TAF4B: variants seen among roughly 807,000 people sequenced by gnomAD.
TAF4B encodes TATA-box binding protein associated factor 4b.
In TAF4B, 38 loss-of-function variants were observed where a neutral mutation model predicts 86.4. The observed-to-expected ratio is 0.44, with a 90% CI of 0.34 to 0.58. TAF4B has a LOEUF of 0.58. Among genes scored for constraint, TAF4B ranks in the 20% least tolerant of loss-of-function variants. TAF4B has a pLI of 0.02. For missense variants in TAF4B, 988 were observed against 1,027.6 expected, an observed-to-expected ratio of 0.96 and a Z score of 0.53; for synonymous variants, 388 against 391.2, an observed-to-expected ratio of 0.99 and a Z score of 0.10.
intron 13 of TAF4B, among the ~76,000 whole-genome samples, chr18:26,346,879 A>G (rs78364811): frequency 0.33 from 1,898 of 5,746 alleles, 465 homozygotes; most frequent in Middle Eastern, 0.75. Context: ...ATATATGTGT[A>G]TATATATATA....
chr18:26,251,238 A>G (rs764468169), intron 1 of TAF4B, among the ~76,000 whole-genome samples: 1 of 152,180 alleles, frequency 6.6e-6, no homozygotes, highest in African/African-American at 2.4e-5. Context: ...GAGTGACACA[A>G]AGAAATCTGC....
chr18:26,314,055 T>C (rs867213677), intron 9 of TAF4B, among the ~76,000 whole-genome samples: 1 of 152,318 alleles, frequency 6.6e-6, no homozygotes, highest in East Asian at 1.9e-4. Context: ...TTTTTTAAAG[T>C]TGAACACCAG....
At chr18:26,359,272 T>C (rs543555643) in intron 14 of TAF4B, among the ~76,000 whole-genome samples, 1 of 152,218 alleles carries the variant, frequency 6.6e-6, no homozygotes, top group Non-Finnish European at 1.5e-5. Context: ...CCAATGGACA[T>C]TTAGGTTGTT....
intron 12 of TAF4B, among the ~76,000 whole-genome samples, chr18:26,327,911 C>T (rs1192989694): frequency 6.6e-6 from 1 of 152,174 alleles, no homozygotes; most frequent in East Asian, 1.9e-4. Flanking sequence ...TTCCCTTCTC[C>T]CTTATTTAAA....
intron 3 of TAF4B, among the ~76,000 whole-genome samples, chr18:26,272,192 G>T (rs760992321): frequency 6.6e-6 from 1 of 152,112 alleles, no homozygotes; most frequent in Non-Finnish European, 1.5e-5. Context: ...CTAATCTTCC[G>T]GTTGCGTCTA....
At chr18:26,267,485 T>C in intron 2 of TAF4B, 31 bp from the exon 3 acceptor site, 1 of 1,448,026 alleles carries the variant, frequency 6.9e-7, no homozygotes, top group South Asian at 1.1e-5. Flanking sequence ...GCTAATGACT[T>C]TGTGTTATCT....
At chr18:26,262,971 G>C (rs2056190741) in intron 1 of TAF4B, among the ~76,000 whole-genome samples, 1 of 151,724 alleles carries the variant, frequency 6.6e-6, no homozygotes, top group South Asian at 2.1e-4. Context: ...TTTATTTAGA[G>C]ACAGTGTTGT....
intron 1 of TAF4B, among the ~76,000 whole-genome samples, chr18:26,264,788 C>G (rs1306132468): frequency 6.6e-6 from 1 of 152,170 alleles, no homozygotes; most frequent in Non-Finnish European, 1.5e-5. Context: ...GTCTACAGAG[C>G]CTTTTAGGAA....
At chr18:26,265,109 T>TG (rs1246465398) in intron 1 of TAF4B, 61 bp from the exon 2 acceptor site, 2 of 1,514,916 alleles carry the variant, frequency 1.3e-6, no homozygotes, top group East Asian at 4.6e-5. Context: ...GAAGAAAATA[T>TG]GTGATGGTTA....
chr18:26,287,503 CTTTA>C (rs1319947234), intron 7 of TAF4B, among the ~76,000 whole-genome samples: 3 of 152,166 alleles, frequency 2.0e-5, no homozygotes, highest in East Asian at 3.9e-4. Flanking sequence ...GAATGTTCTT[CTTTA>C]TTTAAGAAAA....
chr18:26,304,737 T>C (rs2144643126), intron 9 of TAF4B: 1 of 985,452 alleles, frequency 1.0e-6, no homozygotes, highest in African/African-American at 1.7e-5. Context: ...GATATGCTTA[T>C]TGCTGATTTT....
At chr18:26,253,270 C>G (rs1384660904) in intron 1 of TAF4B, among the ~76,000 whole-genome samples, 2 of 151,992 alleles carry the variant, frequency 1.3e-5, no homozygotes, top group Non-Finnish European at 2.9e-5. Flanking sequence ...TTTTTTGGGT[C>G]TTTTTATCTG....
At chr18:26,267,059 G>A (rs2056250269) in intron 2 of TAF4B, 1 of 152,130 alleles carries the variant, frequency 6.6e-6, no homozygotes, top group African/African-American at 2.4e-5. Flanking sequence ...TTTGATTCTA[G>A]GTCCTGAAAC....
At chr18:26,344,649 A>G (rs1016128494) in intron 13 of TAF4B, among the ~76,000 whole-genome samples, 2 of 152,244 alleles carry the variant, frequency 1.3e-5, no homozygotes, top group East Asian at 1.9e-4. Context: ...ATAATAGGCT[A>G]TTCTGCTTTT....
intron 1 of TAF4B, among the ~76,000 whole-genome samples, chr18:26,254,430 C>A (rs1293695196): frequency 6.6e-6 from 1 of 151,966 alleles, no homozygotes; most frequent in African/African-American, 2.4e-5. Flanking sequence ...GTCAGACACC[C>A]ATTCTACACA....
intron 14 of TAF4B, among the ~76,000 whole-genome samples, chr18:26,388,331 A>G (rs1628672): frequency 0.93 from 141,314 of 152,278 alleles, 65,868 homozygotes; most frequent in East Asian, 0.99. Flanking sequence ...TTGTGTTTTC[A>G]TCATTTTAAA....
chr18:26,378,361 T>TA (rs571505069), intron 14 of TAF4B, among the ~76,000 whole-genome samples: 8 of 152,216 alleles, frequency 5.3e-5, no homozygotes, highest in Non-Finnish European at 1.0e-4. Context: ...AGGTAACTTT[T>TA]AAAATTTACA....
intron 9 of TAF4B, among the ~76,000 whole-genome samples, chr18:26,305,665 C>T (rs2056787436): frequency 6.6e-6 from 1 of 152,166 alleles, no homozygotes; most frequent in Non-Finnish European, 1.5e-5. Context: ...CCTCGGCCTC[C>T]CAAATATTTG....
At chr18:26,357,903 C>A in intron 14 of TAF4B, 109 bp downstream of exon 14, 1 of 672,262 alleles carries the variant, frequency 1.5e-6, no homozygotes, top group Non-Finnish European at 2.3e-6. Flanking sequence ...TGCTGCCAGA[C>A]ACTTCTTAAA....
Sources: gnomAD v4.1 joint callset for allele counts (sites outside exome capture counted in the v4.1 genomes callset) on GRCh38, gnomAD v4.1.1 for gene constraint, MANE v1.5 for transcripts, NCBI Gene and HGNC (gene_info 2026-07-23, HGNC 2026-07-21) for gene names.